The following DAW1 variants were observed in gnomAD, a reference collection of about 807,000 sequenced individuals.
The protein encoded by DAW1 is dynein assembly factor with WD repeats 1.
DAW1 carries 47 observed loss-of-function variants against 56.5 expected under a neutral mutation model. The ratio of observed to expected loss-of-function variants is 0.83; its 90% confidence interval spans 0.66 to 1.06. DAW1 has a LOEUF of 1.06. Among genes scored for constraint, DAW1 ranks in the 50% least tolerant of loss-of-function variants. The pLI is 0.00. For missense variants in DAW1, 505 were observed against 499.3 expected, an observed-to-expected ratio of 1.01 and a Z score of -0.11; for synonymous variants, 190 against 179.0, an observed-to-expected ratio of 1.06 and a Z score of -0.49.
At position 227,907,002 on chromosome 2, in the gene DAW1, G is replaced by A. The variant is rs569055477; in HGVS notation, c.859-136G>A. The stretch of plus-strand genomic sequence containing the variant: ...AATCAAAGTAAATCTAACTGAACAT[G>A]CATGAATTACACAAGTGATTTTTGC... On this transcript the variant is annotated intron_variant, in intron 9 of 12. Transcript: ENST00000309931. 6.8e-6 allele frequency: 4 copies of A among 587,044 alleles called. No homozygotes were observed. In the South Asian group the frequency reaches 9.5e-5, roughly 14 times the overall value. 36.4% of individuals were successfully genotyped at this position (587,044 alleles called of 1,614,324 possible).
At chr2:227,905,116 C>G in intron 8 of DAW1, 81 bp downstream of exon 8, 1 of 1,157,382 alleles carries the variant, frequency 8.6e-7, no homozygotes, top group East Asian at 2.5e-5. Flanking sequence ...GTTTAAGCTA[C>G]TATCTATTAA....
At chr2:227,906,371 A>G in intron 9 of DAW1, 33 bp downstream of exon 9, 1 of 1,490,548 alleles carries the variant, frequency 6.7e-7, no homozygotes. Context: ...TTTGCTTTAT[A>G]TTGTGTCTAT....
At chr2:227,909,783 C>T (rs1691774014) in intron 10 of DAW1, among the ~76,000 whole-genome samples, 1 of 152,114 alleles carries the variant, frequency 6.6e-6, no homozygotes, top group Non-Finnish European at 1.5e-5. Flanking sequence ...CCTTCCTCCA[C>T]CTTTTGTTGT....
chr2:227,893,131 G>A (rs932036871), intron 4 of DAW1, among the ~76,000 whole-genome samples: 14 of 151,806 alleles, frequency 9.2e-5, no homozygotes, highest in Non-Finnish European at 1.8e-4. Context: ...AATTAGACAG[G>A]CATGGTGGCG....
At chr2:227,911,549 A>G (rs146560247) in intron 10 of DAW1, among the ~76,000 whole-genome samples, 10 of 152,014 alleles carry the variant, frequency 6.6e-5, no homozygotes, top group African/African-American at 1.7e-4. Flanking sequence ...GAAACCACTT[A>G]TATTACACTG....
intron 10 of DAW1, among the ~76,000 whole-genome samples, chr2:227,917,415 C>T (rs987467738): frequency 7.9e-5 from 12 of 151,968 alleles, no homozygotes; most frequent in African/African-American, 2.2e-4. Context: ...TGCTCACCAC[C>T]GCACCCGGCT....
At position 227,903,126 on chromosome 2, in the gene DAW1, A is replaced by C; in HGVS notation, c.648+17A>C. 6.2e-7 allele frequency: 1 copy of C among 1,606,504 alleles called. No individual in the cohort carries two copies. Among genetic ancestry groups the C allele is most frequent in the Non-Finnish European group, 8.5e-7 (1 of 1,173,540 alleles). ...ACCTTAAGAGTATGTCAATAATGTT[A>C]ATAAGCCTGTTATTTGTGTTCATTC... On this transcript the variant is annotated intron_variant, in intron 7 of 12. Transcript: ENST00000309931.
chr2:227,890,151 A>C, intron 3 of DAW1, 151 bp downstream of exon 3: 1 of 745,382 alleles, frequency 1.3e-6, no homozygotes, highest in Admixed American at 4.0e-5. Context: ...GATTGTCCCA[A>C]TAATTATTTG....
rs544902451 is a variant in DAW1 at position 227,893,734 on chromosome 2, T to C, written c.318-61T>C. 2.6e-6 allele frequency: 4 copies of C among 1,556,928 alleles called. No homozygotes were observed. The South Asian group carries it at 4.9e-5, about 19-fold the overall frequency. On this transcript the variant is annotated intron_variant, in intron 4 of 12. Transcript: ENST00000309931. ...GAGTTATTATCCTACAGGTAAAACA[T>C]GAAGTCTTTATTAACACACTGCCAT... is the stretch of plus-strand genomic sequence containing the variant.
chr2:227,904,568 C>T (rs1351732037), intron 7 of DAW1, among the ~76,000 whole-genome samples: 1 of 152,204 alleles, frequency 6.6e-6, no homozygotes, highest in African/African-American at 2.4e-5. Context: ...ATCCCCTGCT[C>T]TGTAGTGTTT....
intron 6 of DAW1, among the ~76,000 whole-genome samples, chr2:227,902,395 G>A (rs1364769768): frequency 6.6e-6 from 1 of 152,272 alleles, no homozygotes; most frequent in Non-Finnish European, 1.5e-5. Flanking sequence ...AGGAGAAAAG[G>A]CAGATGTCTC....
intron 10 of DAW1, among the ~76,000 whole-genome samples, chr2:227,916,367 C>T (rs1212103569): frequency 6.6e-6 from 1 of 152,150 alleles, no homozygotes; most frequent in Non-Finnish European, 1.5e-5. Context: ...TGGTGCCACA[C>T]TATATGTGCA....
chr2:227,886,863 G>A (rs1054210844), intron 2 of DAW1, among the ~76,000 whole-genome samples: 5 of 152,240 alleles, frequency 3.3e-5, no homozygotes, highest in African/African-American at 1.2e-4. Flanking sequence ...GAGAGCCTAA[G>A]TTCAGATAAG....
chr2:227,893,195 C>T (rs904925721), intron 4 of DAW1, among the ~76,000 whole-genome samples: 21 of 142,486 alleles, frequency 1.5e-4, no homozygotes, highest in African/African-American at 4.4e-4. Context: ...GCTTGAACCC[C>T]GGAGGCAGAG....
chr2:227,921,350 T>G, intron 11 of DAW1, 49 bp from the exon 12 acceptor site: 1 of 621,764 alleles, frequency 1.6e-6, no homozygotes, highest in South Asian at 2.4e-5. Flanking sequence ...AAGAAATGTT[T>G]TGGGAACCAT....
chr2:227,891,387 T>G, intron 4 of DAW1, 74 bp downstream of exon 4: 6 of 1,267,952 alleles, frequency 4.7e-6, no homozygotes, highest in Non-Finnish European at 6.9e-6. Flanking sequence ...AGATTCCAGT[T>G]AGATAAGTAC....
intron 10 of DAW1, among the ~76,000 whole-genome samples, chr2:227,909,192 T>C (rs1426149922): frequency 6.6e-6 from 1 of 151,398 alleles, no homozygotes; most frequent in African/African-American, 2.4e-5. Context: ...GTCTGCAGGG[T>C]CCACTATATC....
At chr2:227,892,259 A>T (rs1221088839) in intron 4 of DAW1, among the ~76,000 whole-genome samples, 1 of 151,922 alleles carries the variant, frequency 6.6e-6, no homozygotes, top group Non-Finnish European at 1.5e-5. Flanking sequence ...CAGCCTCCTG[A>T]GTAGCTGGGA....
chr2:227,890,127 C>A, intron 3 of DAW1, 127 bp downstream of exon 3: 1 of 899,748 alleles, frequency 1.1e-6, no homozygotes, highest in Non-Finnish European at 1.6e-6. Context: ...TAGTGCCTCA[C>A]ATATGTTTGC....
Sources: allele counts gnomAD v4.1 joint callset (sites outside exome capture counted in the v4.1 genomes callset), GRCh38; gene constraint gnomAD v4.1.1; transcripts MANE v1.5; gene names NCBI Gene and HGNC (gene_info 2026-07-23, HGNC 2026-07-21).